POM121: variants seen among roughly 807,000 people sequenced by gnomAD.
The protein encoded by POM121 is nuclear envelope pore membrane protein POM 121.
POM121 carries 32 observed loss-of-function variants against 81.3 expected under a neutral mutation model. The ratio of observed to expected loss-of-function variants is 0.39; its 90% confidence interval spans 0.30 to 0.53. The LOEUF (loss-of-function observed/expected upper bound fraction) is 0.53. Ranked by LOEUF, POM121 falls within the 20% of genes least tolerant of loss-of-function variation. The pLI, the probability that POM121 is intolerant of heterozygous loss-of-function variation, is 0.66. For synonymous variants in POM121, 514 were observed against 694.2 expected (o/e 0.74, Z 4.08); for missense variants, 1,138 against 1,614.6 (o/e 0.70, Z 5.06).
intron 5 of POM121, among the ~76,000 whole-genome samples, chr7:72,938,209 CAA>C (rs1796703502): frequency 6.6e-6 from 1 of 151,718 alleles, no homozygotes; most frequent in African/African-American, 2.4e-5. Flanking sequence ...TCTTCACAAA[CAA>C]ATTTTTTTCA....
At chr7:72,946,047 T>A in intron 12 of POM121, 90 bp from the exon 13 acceptor site, 1 of 1,536,002 alleles carries the variant, frequency 6.5e-7, no homozygotes, top group Non-Finnish European at 8.8e-7. Flanking sequence ...CTGTGTTTTA[T>A]TACTGGCCTG....
chr7:72,900,990 G>GT (rs543838439), intron 3 of POM121, among the ~76,000 whole-genome samples: 2,154 of 141,922 alleles, frequency 0.015, 19 homozygotes, highest in Middle Eastern at 0.025. Flanking sequence ...AGAATTTGGC[G>GT]TTTTTTTTTT....
In POM121 at chr7:72,934,311, G is replaced by A. The variant is rs1477532170; in HGVS notation, c.1275+4200G>A. 2.4e-4 allele frequency among the ~76,000 whole-genome samples: 37 copies of A among 151,974 alleles called. 1 individual carries two copies. The highest frequency in any genetic ancestry group is 1.9e-3 in the Admixed American group (29 of 15,252). On this transcript the variant is annotated intron_variant, in intron 5 of 12. Transcript: ENST00000434423. The stretch of plus-strand genomic sequence containing the variant: ...TGTTGGCTAGGATGGTCTCGAACTC[G>A]TGACCTCAGGTGATCCGTCCGCCTT...
At chr7:72,894,681 G>GAGAGAGAGAGAT (rs1210955228) in intron 3 of POM121, among the ~76,000 whole-genome samples, 7 of 136,874 alleles carry the variant, frequency 5.1e-5, no homozygotes, top group African/African-American at 1.5e-4. Context: ...GAGAGAGAGA[G>GAGAGAGAGAGAT]ATCTCCGTCC....
chr7:72,895,850 A>G (rs1322263298), intron 3 of POM121, among the ~76,000 whole-genome samples: 24 of 151,944 alleles, frequency 1.6e-4, no homozygotes, highest in Non-Finnish European at 2.9e-4. Flanking sequence ...CAGAGGCTGC[A>G]GTGAGCTGAG....
intron 3 of POM121, among the ~76,000 whole-genome samples, chr7:72,911,870 C>T (rs533432305): frequency 6.6e-6 from 1 of 152,346 alleles, no homozygotes; most frequent in African/African-American, 2.4e-5. Context: ...AGTCAGATTC[C>T]TGTTCACTTC....
At chr7:72,898,457 C>G (rs1326283073) in intron 3 of POM121, among the ~76,000 whole-genome samples, 1 of 152,000 alleles carries the variant, frequency 6.6e-6, no homozygotes, top group African/African-American at 2.4e-5. Context: ...TAGGCAGTTG[C>G]ATATGTTGGT....
intron 11 of POM121, 57 bp from the exon 12 acceptor site, chr7:72,945,529 T>C: frequency 1.9e-6 from 3 of 1,604,298 alleles, no homozygotes; most frequent in Non-Finnish European, 2.6e-6. Context: ...CCTGCCCGGC[T>C]CCTCGCTTGC....
intron 4 of POM121, among the ~76,000 whole-genome samples, chr7:72,929,323 C>T (rs1257412965): frequency 6.6e-6 from 1 of 152,210 alleles, no homozygotes; most frequent in Non-Finnish European, 1.5e-5. Context: ...AGGAAATACA[C>T]TGTAATCCAC....
At chr7:72,923,580 G>A (rs1339909568), upstream of POM121, among the ~76,000 whole-genome samples, 2 of 135,228 alleles carry the variant, frequency 1.5e-5, no homozygotes, top group South Asian at 2.4e-4. Flanking sequence ...GCGCCACCAC[G>A]CCCGGCTAAT....
chr7:72,899,117 G>A (rs1792302971), intron 3 of POM121, among the ~76,000 whole-genome samples: 1 of 151,290 alleles, frequency 6.6e-6, no homozygotes, highest in African/African-American at 2.4e-5. Context: ...GAGTAGCTGG[G>A]GATTATAGGC....
intron 4 of POM121, among the ~76,000 whole-genome samples, chr7:72,918,806 G>A (rs1554495477): frequency 6.6e-6 from 1 of 151,548 alleles, no homozygotes; most frequent in Non-Finnish European, 1.5e-5. Flanking sequence ...TGTTTCTTCC[G>A]TGTTTTTTTG....
chr7:72,950,228 C>T, downstream of POM121: 1 of 1,606,722 alleles, frequency 6.2e-7, no homozygotes, highest in African/African-American at 1.3e-5. Flanking sequence ...TTCATCATTT[C>T]CTGAATTTCT....
intron 3 of POM121, among the ~76,000 whole-genome samples, chr7:72,894,681 G>T (rs1349631791): frequency 5.1e-5 from 7 of 136,752 alleles, no homozygotes; most frequent in African/African-American, 1.5e-4. Context: ...GAGAGAGAGA[G>T]ATCTCCGTCC....
At chr7:72,916,045 A>G (rs1276918057) in intron 4 of POM121, among the ~76,000 whole-genome samples, 1 of 152,142 alleles carries the variant, frequency 6.6e-6, no homozygotes, top group African/African-American at 2.4e-5. Context: ...TTCTGGATCT[A>G]CAAGAATCTA....
rs550336045 is a variant in POM121 at position 72,893,103 on chromosome 7, G to A, written c.-216+1993G>A. ...CTCCCGAGTAGCTGAGATTACAGGC[G>A]TGCACCATCACGCCCGGCCTATTTT... On this transcript the variant is annotated intron_variant, in intron 3 of 15. Transcript: ENST00000395270. Among the ~76,000 whole-genome samples the A allele has an allele frequency of 4.1e-3, 624 of 152,102 alleles. 4 individuals are homozygous for A. Among genetic ancestry groups the A allele is most frequent in the African/African-American group, 0.014 (589 of 41,516 alleles).
chr7:72,884,210 T>C (rs1489021573), intron 1 of POM121, among the ~76,000 whole-genome samples: 7 of 152,324 alleles, frequency 4.6e-5, no homozygotes, highest in African/African-American at 1.4e-4. Context: ...AGAATACTTT[T>C]CTAAAGATAA....
intron 11 of POM121, among the ~76,000 whole-genome samples, chr7:72,944,511 A>G (rs1797464674): frequency 6.6e-6 from 1 of 152,056 alleles, no homozygotes; most frequent in Non-Finnish European, 1.5e-5. Flanking sequence ...GGGCTGGAAA[A>G]TTGTGATTGT....
At position 72,942,861 on chromosome 7, in the gene POM121, C is replaced by T; in HGVS notation, c.2868C>T (p.Ala956=). 1.3e-6 allele frequency: 2 copies of T among 1,585,688 alleles called. No homozygotes were observed. Among genetic ancestry groups the T allele is most frequent in the Non-Finnish European group, 1.7e-6 (2 of 1,167,594 alleles). ...TCAACATTCCCTTTGGCTCAAGCGC[C>T]AAGTCCCCGCTCCCATCATATCCGG... is the stretch of plus-strand genomic sequence containing the variant. ...PTFNIPFGSS[A]KSPLPSYPGA... is the part of the protein sequence containing the mutation. Residue 956 remains alanine (A), a synonymous_variant, in exon 11 of 13, where the codon GCC becomes GCT. Transcript: ENST00000434423.
Sources: gnomAD v4.1 joint callset for allele counts (sites outside exome capture counted in the v4.1 genomes callset) on GRCh38, gnomAD v4.1.1 for gene constraint, MANE v1.5 for transcripts, NCBI Gene and HGNC (gene_info 2026-07-23, HGNC 2026-07-21) for gene names.